The following TSPAN18 variants were observed in gnomAD, a reference collection of about 807,000 sequenced individuals.
TSPAN18 encodes tetraspanin-18.
TSPAN18 carries 14 observed loss-of-function variants against 27.3 expected under a neutral mutation model. The observed-to-expected ratio is 0.51, with a 90% CI of 0.34 to 0.80. The LOEUF (loss-of-function observed/expected upper bound fraction) is 0.80, where lower values mean the gene tolerates loss of function less well. Ranked by LOEUF, TSPAN18 falls within the 30% of genes least tolerant of loss-of-function variation. TSPAN18 has a pLI of 0.01. For missense variants in TSPAN18, 268 were observed against 323.9 expected (o/e 0.83, Z 1.32); for synonymous variants, 143 against 136.5 (o/e 1.05, Z -0.33).
At chr11:44,899,125 G>A (rs1311811293) in intron 3 of TSPAN18, among the ~76,000 whole-genome samples, 6 of 152,160 alleles carry the variant, frequency 3.9e-5, no homozygotes, top group South Asian at 2.1e-4. Flanking sequence ...AGTGCTTTCC[G>A]GGTACAAACA....
At chr11:44,781,145 C>G (rs1403871933) in intron 2 of TSPAN18, among the ~76,000 whole-genome samples, 3 of 152,154 alleles carry the variant, frequency 2.0e-5, no homozygotes, top group African/African-American at 7.2e-5. Flanking sequence ...GCTGGAGGGC[C>G]CTGGCCAGTC....
At chr11:44,755,022 A>G (rs1297197275) in intron 1 of TSPAN18, among the ~76,000 whole-genome samples, 1 of 152,166 alleles carries the variant, frequency 6.6e-6, no homozygotes, top group Non-Finnish European at 1.5e-5. Flanking sequence ...GTCTGCAGAA[A>G]AGCCCCAGAC....
chr11:44,922,497 G>A (rs1165055430), intron 8 of TSPAN18, among the ~76,000 whole-genome samples: 1 of 152,172 alleles, frequency 6.6e-6, no homozygotes, highest in African/African-American at 2.4e-5. Context: ...GGGTTGGGGT[G>A]GGGGTGAGGT....
At chr11:44,803,626 C>T (rs150230240) in intron 2 of TSPAN18, among the ~76,000 whole-genome samples, 260 of 152,192 alleles carry the variant, frequency 1.7e-3, no homozygotes, top group African/African-American at 5.8e-3. Flanking sequence ...TAGAAGCTGC[C>T]GCCCTGGAGT....
At chr11:44,749,622 G>A (rs962469275) in intron 1 of TSPAN18, among the ~76,000 whole-genome samples, 2 of 149,568 alleles carry the variant, frequency 1.3e-5, no homozygotes, top group Admixed American at 6.7e-5. Flanking sequence ...GCCACAGAAC[G>A]TGGAACTTTC....
chr11:44,789,303 T>G (rs570807483), intron 2 of TSPAN18, among the ~76,000 whole-genome samples: 19 of 152,356 alleles, frequency 1.2e-4, no homozygotes, highest in Non-Finnish European at 2.1e-4. Flanking sequence ...TGTAGGGATC[T>G]TCCCATCTTT....
chr11:44,879,520 A>G (rs895830676), intron 3 of TSPAN18, among the ~76,000 whole-genome samples: 8 of 152,254 alleles, frequency 5.3e-5, no homozygotes, highest in Admixed American at 3.9e-4. Context: ...TAAGTCGAAT[A>G]AATGAGCCAT....
intron 2 of TSPAN18, among the ~76,000 whole-genome samples, chr11:44,851,184 T>TCATCACACA (rs1857591486): frequency 6.6e-6 from 1 of 152,202 alleles, no homozygotes; most frequent in South Asian, 2.1e-4. Context: ...TTGGTCACGT[T>TCATCACACA]CATCACACAC....
intron 2 of TSPAN18, among the ~76,000 whole-genome samples, chr11:44,839,177 T>C (rs1288475339): frequency 6.6e-6 from 1 of 152,232 alleles, no homozygotes; most frequent in African/African-American, 2.4e-5. Flanking sequence ...GTTTTCAGAC[T>C]GTACATCTCT....
Position 44,851,871 on chromosome 11 carries a change from A to C in TSPAN18, c.-152-8457A>C, listed in dbSNP as rs372593145. 3.9e-5 allele frequency among the ~76,000 whole-genome samples: 6 copies of C among 152,286 alleles called. No homozygotes were observed. The East Asian group carries it at 9.6e-4, about 24-fold the overall frequency. The stretch of plus-strand genomic sequence containing the variant: ...TCCATTCATTCAGTGCCCAGGTATG[A>C]CATGCCATTCCAGACCCTGGGAATA... On this transcript the variant is annotated intron_variant, in intron 2 of 9. Transcript: ENST00000520358.
chr11:44,732,139 A>G (rs1261339296), intron 1 of TSPAN18, among the ~76,000 whole-genome samples: 1 of 152,202 alleles, frequency 6.6e-6, no homozygotes, highest in East Asian at 1.9e-4. Context: ...TTTGGACCTT[A>G]TTGGCCATGC....
intron 2 of TSPAN18, among the ~76,000 whole-genome samples, chr11:44,767,724 GT>G (rs1303994008): frequency 6.6e-6 from 1 of 152,202 alleles, no homozygotes; most frequent in Non-Finnish European, 1.5e-5. Context: ...TATTCTAAGA[GT>G]TTTATTTAGC....
At chr11:44,888,051 GA>G (rs1340094791) in intron 3 of TSPAN18, among the ~76,000 whole-genome samples, 5 of 152,218 alleles carry the variant, frequency 3.3e-5, no homozygotes, top group African/African-American at 1.2e-4. Flanking sequence ...GCCCCACTCT[GA>G]GGCTTGGCTG....
chr11:44,757,918 G>A (rs1353693237), intron 1 of TSPAN18, among the ~76,000 whole-genome samples: 2 of 152,140 alleles, frequency 1.3e-5, no homozygotes, highest in Admixed American at 1.3e-4. Context: ...TCCATGGGTT[G>A]CATTTTTGCT....
At chr11:44,753,349 C>A (rs2134862180) in intron 1 of TSPAN18, among the ~76,000 whole-genome samples, 1 of 152,256 alleles carries the variant, frequency 6.6e-6, no homozygotes, top group African/African-American at 2.4e-5. Flanking sequence ...CCAGGATGGT[C>A]TTGATCTCCT....
At chr11:44,903,246 G>A (rs990797210) in intron 3 of TSPAN18, 2 of 365,524 alleles carry the variant, frequency 5.5e-6, no homozygotes, top group Non-Finnish European at 1.1e-5. Context: ...TGCCTGTGAC[G>A]AGTCTTAAAG....
intron 4 of TSPAN18, among the ~76,000 whole-genome samples, chr11:44,908,821 A>AAGAAAGAAAGAAAGAAAG (rs1554938151): frequency 8.7e-6 from 1 of 114,308 alleles, no homozygotes; most frequent in Non-Finnish European, 1.8e-5. Flanking sequence ...GAAAGAAAGA[A>AAGAAAGAAAGAAAGAAAG]AGAAAGAAAA....
intron 3 of TSPAN18, among the ~76,000 whole-genome samples, chr11:44,880,536 G>T (rs1466248113): frequency 6.6e-6 from 1 of 152,214 alleles, no homozygotes; most frequent in Non-Finnish European, 1.5e-5. Flanking sequence ...GTGAGCCCTT[G>T]GGTACGGAGG....
chr11:44,749,637 T>C (rs971692084), intron 1 of TSPAN18, among the ~76,000 whole-genome samples: 2 of 146,256 alleles, frequency 1.4e-5, no homozygotes, highest in Non-Finnish European at 3.0e-5. Flanking sequence ...ACTTTCTTTT[T>C]TTTTTTTTTT....
Sources: allele counts gnomAD v4.1 joint callset (sites outside exome capture counted in the v4.1 genomes callset), GRCh38; gene constraint gnomAD v4.1.1; transcripts MANE v1.5; gene names NCBI Gene and HGNC (gene_info 2026-07-23, HGNC 2026-07-21).